Variants in TRAF3IP1 observed in about 807,000 individuals in gnomAD.
TRAF3IP1 encodes the protein intraflagellar transport 54.
A neutral mutation model predicts 89.9 loss-of-function variants in TRAF3IP1; 53 were observed. That is an observed-to-expected ratio of 0.59 (90% CI 0.47 to 0.74). The LOEUF is 0.74. TRAF3IP1 is among the 30% of genes least tolerant of loss of function. The pLI, the probability that TRAF3IP1 is intolerant of heterozygous loss-of-function variation, is 0.00. For missense variants in TRAF3IP1, 806 were observed against 866.1 expected, an observed-to-expected ratio of 0.93 and a Z score of 0.87; for synonymous variants, 311 against 322.1, an observed-to-expected ratio of 0.97 and a Z score of 0.37.
chr2:238,351,837 GTGTGTGTGT>G lies in TRAF3IP1; in HGVS notation c.1452-989_1452-981del, dbSNP rs1559371242. ...CACTGAAGCAAGGGAGGATTTTGGTGTGTGTGTGTGTGTGTGTGTGTGTGTGTGTGCGCG... is the reference window on the plus strand; with the variant it reads ...CACTGAAGCAAGGGAGGATTTTGGTGGTGTGTGTGTGTGTGTGTGTGCGCG... On this transcript the variant is annotated intron_variant, in intron 12 of 16. Transcript: ENST00000373327. The surrounding 1 kb of genome is among the most constrained non-coding windows in gnomAD (Gnocchi z 5.2). 1.8e-5 allele frequency among the ~76,000 whole-genome samples: 1 copy of G among 56,266 alleles called. No homozygotes were observed. The highest frequency in any genetic ancestry group is 3.4e-5 in the Non-Finnish European group (1 of 29,758). The allele number at this position is 56,266 out of a possible 152,430, so 36.9% of individuals were successfully genotyped here.
intron 8 of TRAF3IP1, 95 bp downstream of exon 8, chr2:238,338,552 A>C (rs1574908849): frequency 1.5e-6 from 1 of 679,198 alleles, no homozygotes; most frequent in Non-Finnish European, 2.4e-6. Context: ...AAATTATTCT[A>C]ACTACTTTAA....
At chr2:238,349,932 G>A (rs1235708886) in intron 12 of TRAF3IP1, among the ~76,000 whole-genome samples, 1 of 152,120 alleles carries the variant, frequency 6.6e-6, no homozygotes, top group South Asian at 2.1e-4. Context: ...TTAGCTGGGC[G>A]TGGTGGCGTG....
At chr2:238,323,044 C>T (rs1411080336) in intron 1 of TRAF3IP1, among the ~76,000 whole-genome samples, 8 of 151,700 alleles carry the variant, frequency 5.3e-5, no homozygotes, top group Non-Finnish European at 1.0e-4. Context: ...GATACTGTGA[C>T]GTTAATGTCT....
chr2:238,339,527 G>T (rs973002577), intron 8 of TRAF3IP1, among the ~76,000 whole-genome samples: 1 of 152,222 alleles, frequency 6.6e-6, no homozygotes, highest in Non-Finnish European at 1.5e-5. Context: ...AAAGCCTGAG[G>T]GGTGGACTCC....
chr2:238,329,097 G>A lies in TRAF3IP1; in HGVS notation c.670G>A (p.Ala224Thr), dbSNP rs1020247293. The A allele has an allele frequency of 6.4e-7, 1 of 1,551,158 alleles. No homozygotes were observed. Among genetic ancestry groups the A allele is most frequent in the Non-Finnish European group, 8.7e-7 (1 of 1,146,960 alleles). ...GGAGAGAGAGAGAGCCAAAGCCCGG[G>A]CCAGGCCAGACAACGAGCGACAGAA... The part of the protein sequence containing the change: ...EGERERAKAR[A>T]RPDNERQKDR... The change falls in exon 5 of 17, where the codon GCC (alanine) becomes ACC (threonine). Residue 224 changes from alanine to threonine, a missense_variant. By Grantham distance (58) the Ala-to-Thr change is moderately conservative. This residue lies in a region of TRAF3IP1 where 732 missense variants were observed against 780.5 expected (regional missense o/e 0.94). Transcript: ENST00000373327.
intron 15 of TRAF3IP1, 68 bp downstream of exon 15, chr2:238,356,148 A>C (rs764785970): frequency 1.0e-4 from 128 of 1,219,274 alleles, no homozygotes; most frequent in Non-Finnish European, 1.4e-4. Flanking sequence ...AGACTTTTAC[A>C]AGTTGGAGCA....
Position 238,325,983 on chromosome 2 carries a change from T to A in TRAF3IP1, c.354+13T>A, listed in dbSNP as rs1368938444. On this transcript the variant is annotated intron_variant, in intron 3 of 16. Coordinates refer to ENST00000373327, the MANE Select transcript of TRAF3IP1 (RefSeq NM_015650.4). ...CTGTCTCAACAAGGTACTACTGCTG[T>A]CCTGGCATTTTGAACTTACTTAGTA... 6.2e-7 allele frequency: 1 copy of A among 1,603,126 alleles called. No individual in the cohort carries two copies. Among genetic ancestry groups the A allele is most frequent in the East Asian group, 2.2e-5 (1 of 44,720 alleles).
chr2:238,399,036 A>G lies in TRAF3IP1; in HGVS notation c.*117A>G. The G allele has an allele frequency of 4.4e-6, 4 of 911,596 alleles. No homozygotes were observed. The South Asian group carries it at 6.2e-5, about 14-fold the overall frequency. The allele number at this position is 911,596 out of a possible 1,614,324, so 56.5% of individuals were successfully genotyped here. A position where few individuals can be genotyped will look rare whatever the true frequency, so the allele number is the denominator to read the frequency against. ...AAGAAAATGAACAGTTTACAATGTT[A>G]TTATCCAGCTAATTTTCAGAGCTTT... On this transcript the variant is annotated 3_prime_UTR_variant, in exon 17 of 17. Transcript: ENST00000373327.
chr2:238,366,573 A>T (rs952284914), intron 15 of TRAF3IP1, among the ~76,000 whole-genome samples: 3 of 152,200 alleles, frequency 2.0e-5, no homozygotes, highest in African/African-American at 7.2e-5. Context: ...TCAGTGAATG[A>T]TAATATAATC....
rs1376638225 is a variant in TRAF3IP1, at chr2:238,320,632, C to G, written c.-31C>G. 2 of 1,292,812 alleles carry G rather than the reference C, an allele frequency of 1.5e-6. No homozygotes were observed. The highest frequency in any genetic ancestry group is 3.8e-5 in the South Asian group (2 of 52,180). The allele number at this position is 1,292,812 out of a possible 1,614,324, so 80.1% of individuals were successfully genotyped here. A position where few individuals can be genotyped will look rare whatever the true frequency, so the allele number is the denominator to read the frequency against. On this transcript the variant is annotated 5_prime_UTR_variant, in exon 1 of 17. Coordinates refer to ENST00000373327, the MANE Select transcript of TRAF3IP1 (RefSeq NM_015650.4). ...AGGCTCGGCCAGGCCGGCTGAGGGGCGCGGGCGGCCAGCGGGCGGCGGACG... is the reference window on the plus strand; with the variant it reads ...AGGCTCGGCCAGGCCGGCTGAGGGGGGCGGGCGGCCAGCGGGCGGCGGACG...
Position 238,328,734 on chromosome 2 carries a change from G to C in TRAF3IP1, c.403G>C (p.Glu135Gln). 6.2e-7 allele frequency: 1 copy of C among 1,614,022 alleles called. No homozygotes were observed. The change falls in exon 4 of 17, where the codon GAA becomes CAA. Residue 135 changes from glutamate to glutamine, a missense_variant. Glu to Gln is a conservative substitution (Grantham distance 29). Coordinates refer to ENST00000373327, the MANE Select transcript of TRAF3IP1 (RefSeq NM_015650.4). ...GAGGGTTTTAGCTGGAGAGAAGGGAGAAGTGAAAGGCCGGGCCTCACTGAC... is the reference window on the plus strand; with the variant it reads ...GAGGGTTTTAGCTGGAGAGAAGGGACAAGTGAAAGGCCGGGCCTCACTGAC... Reference protein sequence around the residue: ...VRRVLAGEKGEVKGRASLTSR... With the variant: ...VRRVLAGEKGQVKGRASLTSR...
rs758802016 is a variant in TRAF3IP1, at chr2:238,397,579, A to G, written c.1810A>G (p.Met604Val). 2.5e-6 allele frequency: 4 copies of G among 1,612,896 alleles called. No individual in the cohort carries two copies. The African/African-American group carries it at 4.0e-5, about 16-fold the overall frequency. ...GAGCGCACTTCCCCTGGGGAAGATC[A>G]TGGACTACATCCAGGAAGACGTGGA... Reference protein sequence around the residue: ...CKSALPLGKIMDYIQEDVDAM... With the variant: ...CKSALPLGKIVDYIQEDVDAM... Residue 604 changes from methionine to valine, a missense_variant, in exon 16 of 17, where the codon ATG becomes GTG. Met to Val is a conservative substitution (Grantham distance 21). Around this residue, in one of 3 missense-constraint regions of TRAF3IP1, gnomAD observed 732 missense variants for 780.5 expected, o/e 0.94. Transcript: ENST00000373327.
chr2:238,347,980 A>G (rs184689235), intron 10 of TRAF3IP1, among the ~76,000 whole-genome samples: 529 of 152,324 alleles, frequency 3.5e-3, no homozygotes, highest in African/African-American at 0.012. Flanking sequence ...TTTGAAAACA[A>G]TACATTTCAG....
intron 15 of TRAF3IP1, among the ~76,000 whole-genome samples, chr2:238,396,534 ATAAAAAAAT>A (rs1176009511): frequency 1.4e-3 from 208 of 152,002 alleles, no homozygotes; most frequent in African/African-American, 4.9e-3. Context: ...TATAATAATA[ATAAAAAAAT>A]TAAAAAAAAA....
chr2:238,385,308 G>A (rs1173003665), intron 15 of TRAF3IP1, among the ~76,000 whole-genome samples: 2 of 152,130 alleles, frequency 1.3e-5, no homozygotes, highest in Non-Finnish European at 2.9e-5. Flanking sequence ...GAACCGCTGC[G>A]CCTGGCCTGT....
chr2:238,349,808 G>A (rs892697179), intron 12 of TRAF3IP1, among the ~76,000 whole-genome samples: 3 of 152,216 alleles, frequency 2.0e-5, no homozygotes, highest in Admixed American at 1.3e-4. Context: ...GGTGGTTCAC[G>A]CCTGTAATCC....
rs201903517 is a variant in TRAF3IP1 at position 238,397,638 on chromosome 2, C to T, written c.1869C>T (p.Ser623=). 11 of 1,610,412 alleles carry T rather than the reference C, an allele frequency of 6.8e-6. No homozygotes were observed. The highest frequency in any genetic ancestry group is 7.6e-6 in the Non-Finnish European group (9 of 1,179,216). ...AMQNELQMWH[S]ENRQHAEALQ... is the part of the protein sequence containing the mutation. Reference sequence around the variant, plus strand: ...AGAATGAGCTGCAGATGTGGCACAGCGAGAACAGGCAGCACGCCGAGGCCC... The same window carrying T: ...AGAATGAGCTGCAGATGTGGCACAGTGAGAACAGGCAGCACGCCGAGGCCC... Residue 623 remains serine, a synonymous_variant, in exon 16 of 17, where the codon AGC becomes AGT. Coordinates refer to ENST00000373327, the MANE Select transcript of TRAF3IP1 (RefSeq NM_015650.4).
intron 1 of TRAF3IP1, 102 bp downstream of exon 1, chr2:238,320,887 G>T: frequency 9.4e-7 from 1 of 1,061,244 alleles, no homozygotes. Context: ...GCCGGGCTCG[G>T]GCTCAGGTGC....
chr2:238,363,545 A>C (rs1225586586), intron 15 of TRAF3IP1, among the ~76,000 whole-genome samples: 9 of 152,212 alleles, frequency 5.9e-5, no homozygotes, highest in Admixed American at 5.2e-4. Flanking sequence ...GAGACTTTTA[A>C]TGTGGCCTAT....
Sources: gnomAD v4.1 joint callset for allele counts (sites outside exome capture counted in the v4.1 genomes callset) on GRCh38, gnomAD v4.1.1 for gene constraint, gnomAD v4.1.1 regional missense constraint, Gnocchi (gnomAD v3.1) non-coding constraint, MANE v1.5 for transcripts, NCBI Gene and HGNC (gene_info 2026-07-23, HGNC 2026-07-21) for gene names.